The following SENP7 variants were observed in gnomAD, a reference collection of about 807,000 sequenced individuals.
SENP7 encodes SUMO specific peptidase 7.
Under a neutral mutation model 141.2 loss-of-function variants are expected in SENP7, and 64 were observed. The observed-to-expected ratio is 0.45, with a 90% CI of 0.37 to 0.56. SENP7 has a LOEUF of 0.56. Ranked by LOEUF, SENP7 falls within the 20% of genes least tolerant of loss-of-function variation. The pLI is 0.00. For synonymous variants in SENP7, 382 were observed against 426.4 expected (o/e 0.90, Z 1.28); for missense variants, 1,025 against 1,212.2 (o/e 0.85, Z 2.29).
At chr3:101,361,312 G>T (rs1432742800) in intron 11 of SENP7, among the ~76,000 whole-genome samples, 1 of 151,986 alleles carries the variant, frequency 6.6e-6, no homozygotes, top group Non-Finnish European at 1.5e-5. Context: ...TAGAAAAACA[G>T]CGTAGGATTA....
At chr3:101,438,081 C>A (rs1321506842) in intron 4 of SENP7, among the ~76,000 whole-genome samples, 2 of 152,018 alleles carry the variant, frequency 1.3e-5, no homozygotes, top group African/African-American at 2.4e-5. Flanking sequence ...ACTATAAGAC[C>A]AAGCAATTCC....
At chr3:101,485,136 C>T (rs2064673459) in intron 3 of SENP7, among the ~76,000 whole-genome samples, 2 of 152,006 alleles carry the variant, frequency 1.3e-5, no homozygotes, top group Admixed American at 1.3e-4. Context: ...CTCAGACACG[C>T]CTAGCCCCAC....
At chr3:101,365,095 C>T (rs1313697859) in intron 9 of SENP7, 104 bp from the exon 10 acceptor site, 25 of 649,432 alleles carry the variant, frequency 3.8e-5, no homozygotes, top group African/African-American at 7.7e-5. Flanking sequence ...CTCCACCTCC[C>T]GGGCTCAGGC....
chr3:101,486,098 G>A (rs779185424), intron 3 of SENP7, among the ~76,000 whole-genome samples: 1 of 152,158 alleles, frequency 6.6e-6, no homozygotes, highest in Non-Finnish European at 1.5e-5. Flanking sequence ...GAGTCTCCAA[G>A]AAGTCTGAGA....
At chr3:101,472,786 T>G (rs533960600) in intron 3 of SENP7, among the ~76,000 whole-genome samples, 1 of 152,142 alleles carries the variant, frequency 6.6e-6, no homozygotes, top group Non-Finnish European at 1.5e-5. Flanking sequence ...ATTTCAGAGG[T>G]ACCTGTGTAG....
intron 17 of SENP7, 34 bp downstream of exon 17, chr3:101,337,475 C>T: frequency 1.4e-6 from 2 of 1,409,000 alleles, no homozygotes; most frequent in Non-Finnish European, 1.9e-6. Context: ...TACATTTTCT[C>T]TTAAAACTTA....
intron 1 of SENP7, among the ~76,000 whole-genome samples, chr3:101,506,606 T>C (rs778540221): frequency 2.0e-5 from 3 of 152,122 alleles, no homozygotes; most frequent in Non-Finnish European, 4.4e-5. Context: ...GTTAATAGTA[T>C]AGAAGTAGAC....
chr3:101,512,063 G>A (rs2065882451), intron 1 of SENP7, among the ~76,000 whole-genome samples: 3 of 152,084 alleles, frequency 2.0e-5, no homozygotes, highest in Non-Finnish European at 4.4e-5. Context: ...TTTGTGATCC[G>A]ACCGCCTCGG....
At chr3:101,407,671 C>A (rs1171496641) in intron 5 of SENP7, among the ~76,000 whole-genome samples, 1 of 152,120 alleles carries the variant, frequency 6.6e-6, no homozygotes, top group Non-Finnish European at 1.5e-5. Context: ...AATTAAATAA[C>A]CTGCTCCTGG....
chr3:101,493,593 T>C (rs2065044076), intron 3 of SENP7, among the ~76,000 whole-genome samples: 3 of 151,536 alleles, frequency 2.0e-5, no homozygotes, highest in South Asian at 4.2e-4. Flanking sequence ...ATAAACATTA[T>C]CGTTTTAGTA....
At chr3:101,449,192 A>G (rs2063019641) in intron 4 of SENP7, among the ~76,000 whole-genome samples, 1 of 152,196 alleles carries the variant, frequency 6.6e-6, no homozygotes, top group South Asian at 2.1e-4. Context: ...GAAGAAACGA[A>G]TAAAGCCTCC....
intron 19 of SENP7, 54 bp downstream of exon 19, chr3:101,331,930 AC>A (rs2059066165): frequency 6.4e-7 from 1 of 1,563,240 alleles, no homozygotes; most frequent in Non-Finnish European, 8.8e-7. Flanking sequence ...CTTCCCTGTA[AC>A]CATTAAATTA....
At position 101,335,109 on chromosome 3, in the gene SENP7, C is replaced by T. The variant is rs570760766; in HGVS notation, c.2481-2247G>A. ...ACGAATAAAATGATTACAGATCACG[C>T]TGTGAAACAAATTTTTTAAATGCCA... On this transcript the variant is annotated intron_variant, in intron 17 of 23. Coordinates refer to ENST00000394095, the MANE Select transcript of SENP7 (RefSeq NM_020654.5). 7.2e-5 allele frequency among the ~76,000 whole-genome samples: 11 copies of T among 152,232 alleles called. No individual in the cohort carries two copies. The South Asian group carries it at 2.3e-3, about 32-fold the overall frequency.
chr3:101,416,983 A>G (rs2061642810), intron 5 of SENP7, among the ~76,000 whole-genome samples: 1 of 152,178 alleles, frequency 6.6e-6, no homozygotes, highest in Non-Finnish European at 1.5e-5. Flanking sequence ...TCCTAGAGCT[A>G]ATTCCTAGTT....
chr3:101,464,988 T>G (rs963930802), intron 3 of SENP7, among the ~76,000 whole-genome samples: 1 of 152,112 alleles, frequency 6.6e-6, no homozygotes, highest in Admixed American at 6.6e-5. Flanking sequence ...ACAAAAAACT[T>G]AAAGTGGCCC....
At chr3:101,350,534 G>A (rs2059586308) in intron 12 of SENP7, among the ~76,000 whole-genome samples, 1 of 151,888 alleles carries the variant, frequency 6.6e-6, no homozygotes, top group South Asian at 2.1e-4. Flanking sequence ...ACTGAAGAGA[G>A]TATTTTTCCA....
At chr3:101,512,879 A>G (rs576701299) in intron 1 of SENP7, among the ~76,000 whole-genome samples, 5 of 152,206 alleles carry the variant, frequency 3.3e-5, no homozygotes, top group Admixed American at 6.5e-5. Flanking sequence ...TTTGAGGTGA[A>G]GAGCGCCCGA....
At chr3:101,350,897 A>T (rs2059596062) in intron 12 of SENP7, among the ~76,000 whole-genome samples, 1 of 152,016 alleles carries the variant, frequency 6.6e-6, no homozygotes, top group South Asian at 2.1e-4. Flanking sequence ...CAATCAAATT[A>T]TTAGAACAAT....
chr3:101,429,571 A>G lies in SENP7; in HGVS notation c.285-11781T>C, dbSNP rs188263395. ...CGAGACTTTGCTGAAGTTGCTTCTC[A>G]GCTTAAGGAGATTTTGGGCTGAGAC... On this transcript the variant is annotated intron_variant, in intron 4 of 23. Transcript: ENST00000394095. Among the ~76,000 whole-genome samples, 238 of 152,316 alleles carry G rather than the reference A, an allele frequency of 1.6e-3. 1 individual carries two copies. Among genetic ancestry groups the G allele is most frequent in the African/African-American group, 4.7e-3 (194 of 41,572 alleles).
Sources: gnomAD v4.1 joint callset for allele counts (sites outside exome capture counted in the v4.1 genomes callset) on GRCh38, gnomAD v4.1.1 for gene constraint, MANE v1.5 for transcripts, NCBI Gene and HGNC (gene_info 2026-07-23, HGNC 2026-07-21) for gene names.